PLXNA4: variants seen among roughly 807,000 people sequenced by gnomAD.
PLXNA4 encodes the protein plexin-A4.
PLXNA4 carries 44 observed loss-of-function variants against 191.8 expected under a neutral mutation model. The observed-to-expected ratio is 0.23, with a 90% CI of 0.18 to 0.29. The LOEUF (loss-of-function observed/expected upper bound fraction) is 0.29. Among genes scored for constraint, PLXNA4 ranks in the 10% least tolerant of loss-of-function variants. The pLI is 1.00. For synonymous variants in PLXNA4, 1,082 were observed against 1,009.5 expected (o/e 1.07, Z -1.36); for missense variants, 1,800 against 2,488.8 (o/e 0.72, Z 5.89).
At chr7:132,623,108 G>A (rs1803302005) in intron 2 of PLXNA4, among the ~76,000 whole-genome samples, 1 of 152,166 alleles carries the variant, frequency 6.6e-6, no homozygotes, top group Non-Finnish European at 1.5e-5. Flanking sequence ...ACTTTGGGTG[G>A]CTGAGGCGGG....
At chr7:132,563,956 T>C (rs1585354177) in intron 1 of PLXNA4, among the ~76,000 whole-genome samples, 1 of 101,400 alleles carries the variant, frequency 9.9e-6, no homozygotes, top group Admixed American at 1.0e-4. Context: ...CTCCTTTTCC[T>C]CCCCATTCTT....
intron 21 of PLXNA4, 79 bp downstream of exon 21, chr7:132,174,699 C>G: frequency 6.4e-7 from 1 of 1,564,552 alleles, no homozygotes. Flanking sequence ...GTTTTCTCAC[C>G]TCCGAAAGAA....
intron 4 of PLXNA4, among the ~76,000 whole-genome samples, chr7:132,274,408 A>C (rs1177937077): frequency 6.6e-6 from 1 of 152,194 alleles, no homozygotes; most frequent in Non-Finnish European, 1.5e-5. Context: ...TTAAGAGCAT[A>C]TATAACCATG....
At chr7:132,413,062 C>T (rs1794524628) in intron 3 of PLXNA4, among the ~76,000 whole-genome samples, 2 of 152,106 alleles carry the variant, frequency 1.3e-5, no homozygotes, top group South Asian at 4.1e-4. Context: ...GAAAAGAAGG[C>T]ATGCTGTTCT....
chr7:132,429,133 C>A (rs1388354996), intron 3 of PLXNA4, among the ~76,000 whole-genome samples: 1 of 152,168 alleles, frequency 6.6e-6, no homozygotes, highest in Non-Finnish European at 1.5e-5. Context: ...CAAGATCATG[C>A]AGCCCAAACT....
intron 1 of PLXNA4, among the ~76,000 whole-genome samples, chr7:132,533,271 T>A (rs1037318184): frequency 3.3e-5 from 5 of 152,212 alleles, no homozygotes; most frequent in Admixed American, 6.5e-5. Flanking sequence ...TGATCAGGAC[T>A]GTTTTACCTT....
intron 3 of PLXNA4, among the ~76,000 whole-genome samples, chr7:132,387,507 A>G (rs187434831): frequency 1.3e-4 from 20 of 152,334 alleles, no homozygotes; most frequent in African/African-American, 4.3e-4. Flanking sequence ...ACTGGCAAGA[A>G]TGAAGAAGAA....
chr7:132,603,824 A>G (rs146422118), intron 2 of PLXNA4, among the ~76,000 whole-genome samples: 126 of 152,100 alleles, frequency 8.3e-4, no homozygotes, highest in Middle Eastern at 3.4e-3. Context: ...TATCACACTG[A>G]TGAGTGCATA....
chr7:132,572,398 C>T (rs532829889), intron 1 of PLXNA4, among the ~76,000 whole-genome samples: 1 of 152,330 alleles, frequency 6.6e-6, no homozygotes, highest in African/African-American at 2.4e-5. Flanking sequence ...ATTGTTTTTA[C>T]AAGAACTGAA....
intron 1 of PLXNA4, among the ~76,000 whole-genome samples, chr7:132,564,340 C>G (rs1478110663): frequency 6.7e-6 from 1 of 148,210 alleles, no homozygotes; most frequent in African/African-American, 2.5e-5. Flanking sequence ...TTCTGCTGCT[C>G]CTCCTCCTTC....
intron 4 of PLXNA4, among the ~76,000 whole-genome samples, chr7:132,282,153 AT>A (rs944012796): frequency 1.1e-4 from 17 of 152,074 alleles, no homozygotes; most frequent in African/African-American, 2.9e-4. Flanking sequence ...TTTTAAATAA[AT>A]TTTTTTTATT....
At chr7:132,389,887 G>A (rs1217899097) in intron 3 of PLXNA4, among the ~76,000 whole-genome samples, 2 of 152,152 alleles carry the variant, frequency 1.3e-5, no homozygotes, top group East Asian at 3.9e-4. Context: ...ACACCAGTTA[G>A]ATTGGTGATA....
chr7:132,237,807 G>A (rs888504068), intron 5 of PLXNA4, among the ~76,000 whole-genome samples: 3 of 152,110 alleles, frequency 2.0e-5, no homozygotes, highest in African/African-American at 7.2e-5. Flanking sequence ...CGGAGTTATC[G>A]TGGAATCTAT....
At chr7:132,532,411 T>C (rs552842520) in intron 1 of PLXNA4, among the ~76,000 whole-genome samples, 1 of 152,330 alleles carries the variant, frequency 6.6e-6, no homozygotes, top group South Asian at 2.1e-4. Flanking sequence ...TACAAATGCG[T>C]TGATGCAGTT....
chr7:132,259,671 A>G (rs1163363778), intron 4 of PLXNA4, among the ~76,000 whole-genome samples: 4 of 152,040 alleles, frequency 2.6e-5, no homozygotes, highest in Non-Finnish European at 4.4e-5. Flanking sequence ...AGACCTGCAC[A>G]CAGATGTTTA....
rs779594197 is a variant in PLXNA4, at chr7:132,129,906, A to C, written c.*573T>G. Reference sequence around the variant, plus strand: ...CCCACACATGCCCTGCTCCAGCCACATGCAGGAGGTGTAGCCTTTCTTCTC... The same window carrying C: ...CCCACACATGCCCTGCTCCAGCCACCTGCAGGAGGTGTAGCCTTTCTTCTC... On this transcript the variant is annotated 3_prime_UTR_variant, in exon 32 of 32. Transcript: ENST00000321063. 6.4e-6 allele frequency: 1 copy of C among 155,078 alleles called. No individual in the cohort carries two copies. Among genetic ancestry groups the C allele is most frequent in the Non-Finnish European group, 1.4e-5 (1 of 69,562 alleles). The allele number at this position is 155,078 out of a possible 1,614,324, so 9.6% of individuals were successfully genotyped here.
intron 1 of PLXNA4, among the ~76,000 whole-genome samples, chr7:132,556,466 G>C (rs1425756861): frequency 6.6e-6 from 1 of 152,244 alleles, no homozygotes; most frequent in Non-Finnish European, 1.5e-5. Context: ...ACTTGCTTTT[G>C]TAGGAAGGTT....
chr7:132,563,513 CCT>C (rs1801479040), intron 1 of PLXNA4, among the ~76,000 whole-genome samples: 1 of 43,716 alleles, frequency 2.3e-5, no homozygotes, highest in Non-Finnish European at 7.7e-5. Flanking sequence ...TCCTCCTCCT[CCT>C]GCTGCTCCTC....
At chr7:132,172,675 G>C (rs777151408) in intron 21 of PLXNA4, among the ~76,000 whole-genome samples, 14 of 152,062 alleles carry the variant, frequency 9.2e-5, no homozygotes, top group Non-Finnish European at 2.1e-4. Flanking sequence ...GGCTAATGCG[G>C]GCCAGTAAAA....
Sources: allele counts gnomAD v4.1 joint callset (sites outside exome capture counted in the v4.1 genomes callset), GRCh38; gene constraint gnomAD v4.1.1; transcripts MANE v1.5; gene names NCBI Gene and HGNC (gene_info 2026-07-23, HGNC 2026-07-21).